The following DAOA variants were observed in gnomAD, a reference collection of about 807,000 sequenced individuals.
The protein encoded by DAOA is D-amino acid oxidase activator, also known as D-amino acid oxidase regulator.
DAOA carries 15 observed loss-of-function variants against 16.4 expected under a neutral mutation model. That is an observed-to-expected ratio of 0.91 (90% confidence interval 0.61 to 1.41). The LOEUF is 1.41. Ranked by LOEUF, DAOA falls within the 40% of genes most tolerant of loss-of-function variation. DAOA has a pLI of 0.00. For synonymous variants in DAOA, 75 were observed against 59.1 expected (o/e 1.27, Z -1.23); for missense variants, 230 against 176.8 (o/e 1.30, Z -1.71).
intron 4 of DAOA, among the ~76,000 whole-genome samples, chr13:105,485,786 C>A (rs1308767675): frequency 6.6e-6 from 1 of 152,082 alleles, no homozygotes; most frequent in Non-Finnish European, 1.5e-5. Context: ...AGTGATATTC[C>A]AACAAGCAAG....
chr13:105,471,246 A>T lies in DAOA; in HGVS notation c.134-1292A>T, dbSNP rs185887391. ...CCTGGCCATTCAATTTTTAAAATAC[A>T]GTTTGATAATTGAGTTAAAGCCACT... On this transcript the variant is annotated intron_variant, in intron 3 of 5. Coordinates refer to ENST00000375936, the MANE Select transcript of DAOA (RefSeq NM_172370.5). 3.3e-5 allele frequency among the ~76,000 whole-genome samples: 5 copies of T among 152,354 alleles called. No homozygotes were observed. In the East Asian group the frequency reaches 9.7e-4, roughly 29 times the overall value.
chr13:105,486,754 G>A (rs1250823264), intron 4 of DAOA, among the ~76,000 whole-genome samples: 1 of 151,958 alleles, frequency 6.6e-6, no homozygotes, highest in Admixed American at 6.6e-5. Flanking sequence ...GAGTAGCTGG[G>A]ATTACAGGCA....
chr13:105,484,201 T>C (rs933505958), intron 4 of DAOA, among the ~76,000 whole-genome samples: 2 of 152,142 alleles, frequency 1.3e-5, no homozygotes, highest in Admixed American at 6.5e-5. Context: ...AGGTCTATTT[T>C]TTTTTTACTT....
chr13:105,488,749 G>T (rs560472876), intron 4 of DAOA, among the ~76,000 whole-genome samples: 348 of 152,282 alleles, frequency 2.3e-3, no homozygotes, highest in Non-Finnish European at 3.8e-3. Flanking sequence ...ATTAGGTTAG[G>T]ATCAGGCCAA....
At chr13:105,472,415 C>G in intron 3 of DAOA, 123 bp from the exon 4 acceptor site, 2 of 1,353,482 alleles carry the variant, frequency 1.5e-6, no homozygotes, top group Non-Finnish European at 1.9e-6. Flanking sequence ...AACCAAAAAC[C>G]TCTGAAAAAT....
Position 105,466,339 on chromosome 13 carries a change from A to G in DAOA, c.44+7A>G. ...ATTCTCTCCAGCTTTTCAGGTAGGTAGCTTGGGGTTTTTTACAGCATGGCG... is the reference window on the plus strand; with the variant it reads ...ATTCTCTCCAGCTTTTCAGGTAGGTGGCTTGGGGTTTTTTACAGCATGGCG... On this transcript the variant is annotated splice_region_variant and intron_variant, in intron 2 of 5. Coordinates refer to ENST00000375936, the MANE Select transcript of DAOA (RefSeq NM_172370.5). 1 of 1,613,998 alleles carries G rather than the reference A, an allele frequency of 6.2e-7. No individual in the cohort carries two copies. Among genetic ancestry groups the G allele is most frequent in the Non-Finnish European group, 8.5e-7 (1 of 1,179,946 alleles).
intron 3 of DAOA, among the ~76,000 whole-genome samples, chr13:105,472,123 G>A (rs1197461165): frequency 6.6e-6 from 1 of 152,204 alleles, no homozygotes; most frequent in African/African-American, 2.4e-5. Flanking sequence ...ACAGGGAAGG[G>A]ACGAGAGGAC....
At chr13:105,472,754 A>G in intron 4 of DAOA, 69 bp downstream of exon 4, 3 of 1,445,686 alleles carry the variant, frequency 2.1e-6, no homozygotes, top group Non-Finnish European at 2.8e-6. Context: ...AACTTACGAA[A>G]GCAACTTCTC....
chr13:105,486,367 C>A (rs1383154198), intron 4 of DAOA, among the ~76,000 whole-genome samples: 1 of 152,064 alleles, frequency 6.6e-6, no homozygotes, highest in Non-Finnish European at 1.5e-5. Context: ...ATTTGGTTAA[C>A]ATCTGTATAT....
intron 5 of DAOA, 59 bp downstream of exon 5, chr13:105,490,251 G>A: frequency 2.3e-6 from 2 of 855,302 alleles, no homozygotes; most frequent in Non-Finnish European, 2.9e-6. Context: ...TAATTTTTAT[G>A]AATTATATTT....
intron 4 of DAOA, among the ~76,000 whole-genome samples, chr13:105,482,648 C>T (rs1877831853): frequency 6.6e-6 from 1 of 151,774 alleles, no homozygotes; most frequent in South Asian, 2.1e-4. Context: ...ACTGGAATTA[C>T]AGGTGCCCAC....
At chr13:105,479,789 A>T (rs1877580355) in intron 4 of DAOA, among the ~76,000 whole-genome samples, 1 of 152,196 alleles carries the variant, frequency 6.6e-6, no homozygotes, top group African/African-American at 2.4e-5. Flanking sequence ...CACCATTTAA[A>T]CCAGTAGAGA....
At chr13:105,484,506 T>C (rs1877976737) in intron 4 of DAOA, among the ~76,000 whole-genome samples, 1 of 152,168 alleles carries the variant, frequency 6.6e-6, no homozygotes, top group Non-Finnish European at 1.5e-5. Flanking sequence ...TAGTGTTTTC[T>C]ATTTTTAACT....
At chr13:105,472,980 G>C (rs544342392) in intron 4 of DAOA, among the ~76,000 whole-genome samples, 34 of 152,212 alleles carry the variant, frequency 2.2e-4, no homozygotes, top group East Asian at 9.6e-4. Flanking sequence ...CATATCATCA[G>C]TAAATCTGGA....
intron 4 of DAOA, among the ~76,000 whole-genome samples, chr13:105,478,717 A>T (rs555279961): frequency 3.3e-5 from 5 of 152,184 alleles, no homozygotes; most frequent in Non-Finnish European, 7.3e-5. Flanking sequence ...AATTAAAAAT[A>T]ATTTTATTTT....
intron 3 of DAOA, among the ~76,000 whole-genome samples, chr13:105,470,067 C>T (rs192265797): frequency 5.3e-5 from 8 of 150,578 alleles, no homozygotes; most frequent in African/African-American, 1.9e-4. Flanking sequence ...TTTTTTTGTC[C>T]CCAGGCTGGA....
At chr13:105,489,755 C>A in intron 4 of DAOA, 146 bp from the exon 5 acceptor site, 4 of 1,532,380 alleles carry the variant, frequency 2.6e-6, no homozygotes, top group Non-Finnish European at 3.5e-6. Flanking sequence ...TTGGTGGTCA[C>A]ACATTTGTAT....
intron 4 of DAOA, among the ~76,000 whole-genome samples, chr13:105,478,905 C>T (rs978623086): frequency 6.6e-6 from 1 of 152,154 alleles, no homozygotes; most frequent in African/African-American, 2.4e-5. Flanking sequence ...AATTTTTAGC[C>T]AAACTAACCC....
chr13:105,486,030 A>G (rs1190889274), intron 4 of DAOA, among the ~76,000 whole-genome samples: 2 of 152,144 alleles, frequency 1.3e-5, no homozygotes, highest in Admixed American at 1.3e-4. Flanking sequence ...TTCAGCTCCT[A>G]TGTGCCACCT....
Sources: allele counts gnomAD v4.1 joint callset (sites outside exome capture counted in the v4.1 genomes callset), GRCh38; gene constraint gnomAD v4.1.1; transcripts MANE v1.5; gene names NCBI Gene and HGNC (gene_info 2026-07-23, HGNC 2026-07-21).